Variants in SIRT3 observed in about 807,000 individuals in gnomAD.
SIRT3 encodes sirtuin 3.
SIRT3 carries 26 observed loss-of-function variants against 33.5 expected under a neutral mutation model. The ratio of observed to expected loss-of-function variants is 0.78; its 90% CI spans 0.57 to 1.08. The LOEUF is 1.08. SIRT3 is among the 50% of genes least tolerant of loss of function. SIRT3 has a pLI of 0.00. For synonymous variants in SIRT3, 237 were observed against 222.1 expected (o/e 1.07, Z -0.60); for missense variants, 585 against 530.1 (o/e 1.10, Z -1.02).
Position 215,106 on chromosome 11 carries a change from G to A in SIRT3, c.*1592C>T, listed in dbSNP as rs1379121953. 1 of 154,436 alleles carries A rather than the reference G, an allele frequency of 6.5e-6. No individual in the cohort carries two copies. The highest frequency in any genetic ancestry group is 1.4e-5 in the Non-Finnish European group (1 of 69,530). 9.6% of individuals were successfully genotyped at this position (154,436 alleles called of 1,614,324 possible). A position where few individuals can be genotyped will look rare whatever the true frequency, so the allele number is the denominator to read the frequency against. On this transcript the variant is annotated 3_prime_UTR_variant, in exon 7 of 7. Transcript: ENST00000382743. Reference sequence around the variant, plus strand: ...CATCTTGAAATAAAGAAGAGTTTTGGACAAAAATGTATGTGTAAATTATCA... The same window carrying A: ...CATCTTGAAATAAAGAAGAGTTTTGAACAAAAATGTATGTGTAAATTATCA...
chr11:236,316 C>T lies in SIRT3; in HGVS notation c.13G>A (p.Gly5Ser), dbSNP rs1413765501. ...CGGAGGGCTGCCGCGGCGCGCCAAC[C>T]CCAGAACGCCATGTTCCGCGCAGTC... MAFW[G>S]WRAAAALRLW... Residue 5 changes from glycine to serine, a missense_variant, in exon 1 of 7, where the codon GGT becomes AGT. Physicochemically the swap from Gly to Ser is moderately conservative, Grantham distance 56. Coordinates refer to ENST00000382743, the MANE Select transcript of SIRT3 (RefSeq NM_012239.6). 2.6e-6 allele frequency: 4 copies of T among 1,511,522 alleles called. No individual in the cohort carries two copies. The South Asian group carries it at 3.7e-5, about 14-fold the overall frequency. 93.6% of individuals were successfully genotyped at this position (1,511,522 alleles called of 1,614,324 possible).
intron 1 of SIRT3, chr11:233,953 A>G (rs781678103): frequency 1.2e-5 from 2 of 167,046 alleles, no homozygotes; most frequent in East Asian, 1.8e-4. Flanking sequence ...TCAGACATCT[A>G]TTCACTTAAG....
At chr11:224,791 G>A (rs533408817) in intron 4 of SIRT3, among the ~76,000 whole-genome samples, 4 of 152,200 alleles carry the variant, frequency 2.6e-5, no homozygotes, top group African/African-American at 9.7e-5. Context: ...TGGCCAAGGT[G>A]AAGTGGACAC....
chr11:231,269 C>G (rs1857961165), intron 3 of SIRT3, among the ~76,000 whole-genome samples: 1 of 152,080 alleles, frequency 6.6e-6, no homozygotes, highest in Non-Finnish European at 1.5e-5. Flanking sequence ...TGAGACTTGT[C>G]TTAAAAAATT....
chr11:232,677 G>A (rs1039205761), intron 3 of SIRT3, among the ~76,000 whole-genome samples: 2 of 152,102 alleles, frequency 1.3e-5, no homozygotes, highest in South Asian at 2.1e-4. Context: ...GAAAAAAAGA[G>A]ATCATCACAC....
intron 1 of SIRT3, among the ~76,000 whole-genome samples, chr11:234,963 T>C (rs943552187): frequency 1.3e-5 from 2 of 151,550 alleles, no homozygotes; most frequent in Non-Finnish European, 2.9e-5. Context: ...CTGCAACCTC[T>C]GCCTTCCGGG....
chr11:230,571 CG>C lies in SIRT3; in HGVS notation c.707-20del. ...CCCGACACTGAAATTCAAGCCAAAG[CG>C]AAGTGTTGCTGCCGCCTCCGAGATG... On this transcript the variant is annotated intron_variant, in intron 3 of 6. Coordinates refer to ENST00000382743, the MANE Select transcript of SIRT3 (RefSeq NM_012239.6). The C allele has an allele frequency of 6.8e-7, 1 of 1,475,464 alleles. No homozygotes were observed. The highest frequency in any genetic ancestry group is 9.0e-7 in the Non-Finnish European group (1 of 1,109,252). The allele number at this position is 1,475,464 out of a possible 1,614,324, so 91.4% of individuals were successfully genotyped here. A position where few individuals can be genotyped will look rare whatever the true frequency, so the allele number is the denominator to read the frequency against.
chr11:233,145 G>A lies in SIRT3; in HGVS notation c.544C>T (p.Leu182Phe), dbSNP rs769465632. The A allele has an allele frequency of 1.2e-6, 2 of 1,614,174 alleles. No homozygotes were observed. Among genetic ancestry groups the A allele is most frequent in the East Asian group, 4.5e-5 (2 of 44,888 alleles). The change falls in exon 3 of 7, where the codon CTC becomes TTC. Residue 182 changes from leucine (L) to phenylalanine (F), a missense_variant. Leu to Phe is a conservative substitution (Grantham distance 22). Coordinates refer to ENST00000382743, the MANE Select transcript of SIRT3 (RefSeq NM_012239.6). Reference protein sequence around the residue: ...DLPYPEAIFELPFFFHNPKPF... With the variant: ...DLPYPEAIFEFPFFFHNPKPF... ...TTGGGGTTGTGAAAGAAGAATGGGAGTTCAAAAATGGCCTCGGGGTACGGG... is the reference window on the plus strand; with the variant it reads ...TTGGGGTTGTGAAAGAAGAATGGGAATTCAAAAATGGCCTCGGGGTACGGG...
In SIRT3 at chr11:216,620, T is replaced by G; in HGVS notation, c.*78A>C. The G allele has an allele frequency of 6.4e-7, 1 of 1,551,602 alleles. No individual in the cohort carries two copies. Among genetic ancestry groups the G allele is most frequent in the Non-Finnish European group, 8.9e-7 (1 of 1,124,498 alleles). ...CTGGTTTCACCTGCCCAAGCTGTCT[T>G]CAGGCATGAGGTCTTGTCAGAATTG... On this transcript the variant is annotated 3_prime_UTR_variant, in exon 7 of 7. Transcript: ENST00000382743.
chr11:218,996 G>A lies in SIRT3; in HGVS notation c.1015C>T (p.Pro339Ser). Residue 339 changes from proline (P) to serine (S), a missense_variant, in exon 6 of 7, where the codon CCC becomes TCC. Physicochemically the swap from Pro to Ser is moderately conservative, Grantham distance 74. Coordinates refer to ENST00000382743, the MANE Select transcript of SIRT3 (RefSeq NM_012239.6). ...SLTEAVRSSV[P>S]RLLINRDLVG... ...AAGTCCCGGTTGATGAGCAGTCGGG[G>A]AACTGAGCTCCGCACGGCCTCGGTC... 1 of 1,614,142 alleles carries A rather than the reference G, an allele frequency of 6.2e-7. No individual in the cohort carries two copies. The highest frequency in any genetic ancestry group is 1.1e-5 in the South Asian group (1 of 91,070).
At chr11:225,927 A>G (rs1396259247) in intron 4 of SIRT3, 1 of 152,230 alleles carries the variant, frequency 6.6e-6, no homozygotes, top group Admixed American at 6.5e-5. Flanking sequence ...CAGGAAAAAC[A>G]TGAGTCACGG....
chr11:224,299 G>C, intron 4 of SIRT3, 60 bp from the exon 5 acceptor site: 1 of 1,542,412 alleles, frequency 6.5e-7, no homozygotes, highest in South Asian at 1.2e-5. Flanking sequence ...AAAAGGAAAA[G>C]GCAACAAGTT....
At chr11:219,229 T>A (rs1236914142) in intron 5 of SIRT3, among the ~76,000 whole-genome samples, 188 bp from the exon 6 acceptor site, 1 of 151,962 alleles carries the variant, frequency 6.6e-6, no homozygotes, top group Middle Eastern at 3.2e-3. Flanking sequence ...CGTGACGGTT[T>A]TCTCCCCTCC....
At chr11:232,240 C>T (rs566254074) in intron 3 of SIRT3, among the ~76,000 whole-genome samples, 1 of 152,126 alleles carries the variant, frequency 6.6e-6, no homozygotes. Flanking sequence ...GTCTCAGCCT[C>T]CCGAGTACCT....
In SIRT3 at chr11:230,542, G is replaced by A. The variant is rs565865612; in HGVS notation, c.717C>T (p.Ile239=). 5 of 1,526,752 alleles carry A rather than the reference G, an allele frequency of 3.3e-6. No homozygotes were observed. The highest frequency in any genetic ancestry group is 2.2e-5 in the Admixed American group (1 of 45,540). The allele number at this position is 1,526,752 out of a possible 1,614,324, so 94.6% of individuals were successfully genotyped here. Reference sequence around the variant, plus strand: ...GAGCTTCAACCAGCTTTGAGGCAGGGATGCCCGACACTGAAATTCAAGCCA... The same window carrying A: ...GAGCTTCAACCAGCTTTGAGGCAGGAATGCCCGACACTGAAATTCAAGCCA... ...NIDGLERVSG[I]PASKLVEAHG... Residue 239 remains isoleucine, a synonymous_variant, in exon 4 of 7, where the codon ATC becomes ATT. Coordinates refer to ENST00000382743, the MANE Select transcript of SIRT3 (RefSeq NM_012239.6).
At chr11:219,270 T>C (rs952404870) in intron 5 of SIRT3, among the ~76,000 whole-genome samples, 1 of 152,202 alleles carries the variant, frequency 6.6e-6, no homozygotes, top group African/African-American at 2.4e-5. Context: ...CTTCTTGCTG[T>C]TTCCACACAT....
At chr11:230,187 G>A (rs1055742535) in intron 4 of SIRT3, among the ~76,000 whole-genome samples, 1 of 148,804 alleles carries the variant, frequency 6.7e-6, no homozygotes, top group African/African-American at 2.5e-5. Flanking sequence ...ACTCCAGCCT[G>A]GGCGACAGAG....
At chr11:236,025 G>A (rs200834744) in intron 1 of SIRT3, 23 bp downstream of exon 1, 2 of 1,477,914 alleles carry the variant, frequency 1.4e-6, no homozygotes, top group Middle Eastern at 1.8e-4. Flanking sequence ...CACGCAAGAA[G>A]TGCTTGTCCT....
At chr11:236,669 T>C (rs1859212269), upstream of SIRT3, 2 of 268,476 alleles carry the variant, frequency 7.4e-6, no homozygotes, top group South Asian at 3.6e-5. Flanking sequence ...GCTTTTACTA[T>C]GGTCAGGCAT....
Sources: allele counts gnomAD v4.1 joint callset (sites outside exome capture counted in the v4.1 genomes callset), GRCh38; gene constraint gnomAD v4.1.1; transcripts MANE v1.5; gene names NCBI Gene and HGNC (gene_info 2026-07-23, HGNC 2026-07-21).